PTPRD: variants seen among roughly 807,000 people sequenced by gnomAD.
The protein encoded by PTPRD is receptor-type tyrosine-protein phosphatase delta.
In PTPRD, 34 loss-of-function variants were observed where a neutral mutation model predicts 214.5. The observed-to-expected ratio is 0.16, with a 90% CI of 0.12 to 0.21. PTPRD has a LOEUF of 0.21. PTPRD is among the 10% of genes least tolerant of loss of function. PTPRD has a pLI of 1.00. For synonymous variants in PTPRD, 1,128 were observed against 845.7 expected, an observed-to-expected ratio of 1.33 and a Z score of -5.79; for missense variants, 2,545 against 2,398.7, an observed-to-expected ratio of 1.06 and a Z score of -1.27.
intron 8 of PTPRD, among the ~76,000 whole-genome samples, chr9:9,559,866 C>A (rs763815369): frequency 2.0e-5 from 3 of 152,176 alleles, no homozygotes; most frequent in Non-Finnish European, 4.4e-5. Context: ...AGTGGAGAGC[C>A]AAGCTGCCAA....
At chr9:9,285,911 T>G (rs1271272756) in intron 9 of PTPRD, among the ~76,000 whole-genome samples, 1 of 151,780 alleles carries the variant, frequency 6.6e-6, no homozygotes. Context: ...TGTAAATTAG[T>G]GTATCTTCTC....
Position 8,987,501 on chromosome 9 carries a change from G to C in PTPRD, c.-104+31196C>G, listed in dbSNP as rs138499730. On this transcript the variant is annotated intron_variant, in intron 11 of 45. Transcript: ENST00000381196. ...TGGTGGTAATCATTTGGAGAGAAGA[G>C]AAAGAAAAGTGCTGTGTTCATGTGT... is the stretch of plus-strand genomic sequence containing the variant. Among the ~76,000 whole-genome samples the C allele has an allele frequency of 4.8e-3, 724 of 152,258 alleles. 7 individuals carry two copies. Among genetic ancestry groups the C allele is most frequent in the African/African-American group, 0.017 (687 of 41,564 alleles).
intron 3 of PTPRD, among the ~76,000 whole-genome samples, chr9:10,082,306 T>C (rs1392586777): frequency 1.3e-5 from 2 of 152,142 alleles, no homozygotes; most frequent in Non-Finnish European, 2.9e-5. Flanking sequence ...ATCAAATGAA[T>C]TGACACATTT....
At chr9:8,348,103 C>T (rs2074386704) in intron 39 of PTPRD, among the ~76,000 whole-genome samples, 1 of 152,062 alleles carries the variant, frequency 6.6e-6, no homozygotes, top group Admixed American at 6.6e-5. Flanking sequence ...AGAAAGCCAT[C>T]GGCTGAAAGG....
intron 30 of PTPRD, among the ~76,000 whole-genome samples, chr9:8,477,396 T>G (rs908780934): frequency 5.3e-5 from 8 of 152,182 alleles, no homozygotes; most frequent in African/African-American, 1.9e-4. Context: ...TTAATTATAT[T>G]AAGTAAAGTT....
chr9:8,824,368 A>C (rs2097135188), intron 11 of PTPRD, among the ~76,000 whole-genome samples: 1 of 152,086 alleles, frequency 6.6e-6, no homozygotes, highest in African/African-American at 2.4e-5. Context: ...TTTTAGGCCA[A>C]ATAGGGGCGA....
At chr9:8,816,155 A>G (rs1393780651) in intron 11 of PTPRD, among the ~76,000 whole-genome samples, 1 of 152,214 alleles carries the variant, frequency 6.6e-6, no homozygotes, top group Non-Finnish European at 1.5e-5. Context: ...CACAGGACAA[A>G]TTATTGATAA....
At chr9:8,640,681 TA>T (rs59897269) in intron 12 of PTPRD, among the ~76,000 whole-genome samples, 13,761 of 133,028 alleles carry the variant, frequency 0.1, 725 homozygotes, top group East Asian at 0.19. Context: ...AGAAATTCTG[TA>T]AAAAAAAAAA....
intron 6 of PTPRD, among the ~76,000 whole-genome samples, chr9:9,763,397 A>G (rs573078103): frequency 6.6e-6 from 1 of 152,282 alleles, no homozygotes; most frequent in Non-Finnish European, 1.5e-5. Context: ...CATACATAAT[A>G]TATATGTATT....
intron 3 of PTPRD, among the ~76,000 whole-genome samples, chr9:10,276,575 C>T (rs535506805): frequency 3.9e-5 from 6 of 151,990 alleles, no homozygotes; most frequent in South Asian, 2.1e-4. Context: ...AATCTAATAT[C>T]GAAAGTCATA....
intron 11 of PTPRD, among the ~76,000 whole-genome samples, chr9:8,755,431 A>C (rs530326312): frequency 6.6e-6 from 1 of 150,908 alleles, no homozygotes; most frequent in South Asian, 2.1e-4. Context: ...CAGGAGGCTG[A>C]GGCAGGAGAA....
chr9:10,354,376 C>T (rs961034893), intron 2 of PTPRD, among the ~76,000 whole-genome samples: 1 of 152,144 alleles, frequency 6.6e-6, no homozygotes, highest in Non-Finnish European at 1.5e-5. Flanking sequence ...TAATTTCTGA[C>T]TGTTAAAAGG....
At chr9:9,073,420 G>A (rs1442960234) in intron 10 of PTPRD, among the ~76,000 whole-genome samples, 1 of 152,222 alleles carries the variant, frequency 6.6e-6, no homozygotes, top group African/African-American at 2.4e-5. Flanking sequence ...GCTAGATCAT[G>A]GTACTCAGTT....
At chr9:9,384,247 C>T (rs1327053367) in intron 9 of PTPRD, among the ~76,000 whole-genome samples, 6 of 141,314 alleles carry the variant, frequency 4.2e-5, no homozygotes, top group East Asian at 4.5e-4. Context: ...TTTGGATTTT[C>T]GGTGTACCAT....
chr9:10,178,168 A>T (rs2099260507), intron 3 of PTPRD, among the ~76,000 whole-genome samples: 1 of 151,936 alleles, frequency 6.6e-6, no homozygotes, highest in East Asian at 1.9e-4. Context: ...TAAGTTGTAA[A>T]AGATATTTAC....
At chr9:8,640,561 C>CAAAAAAAAAAAA (rs201282830) in intron 12 of PTPRD, among the ~76,000 whole-genome samples, 1 of 105,472 alleles carries the variant, frequency 9.5e-6, no homozygotes. Context: ...AACAAAAAAA[C>CAAAAAAAAAAAA]AAAAAAAAAA....
chr9:9,984,466 A>G (rs1307827731), intron 4 of PTPRD, among the ~76,000 whole-genome samples: 1 of 152,098 alleles, frequency 6.6e-6, no homozygotes, highest in East Asian at 1.9e-4. Flanking sequence ...CAGACTGGAC[A>G]TGGTCTGTAG....
At chr9:10,494,862 A>T (rs574706340) in intron 2 of PTPRD, among the ~76,000 whole-genome samples, 3 of 151,620 alleles carry the variant, frequency 2.0e-5, no homozygotes, top group East Asian at 1.9e-4. Context: ...TATTGGGCAA[A>T]TTATAGCATA....
At chr9:9,807,567 G>A (rs2045848100) in intron 5 of PTPRD, among the ~76,000 whole-genome samples, 3 of 152,110 alleles carry the variant, frequency 2.0e-5, no homozygotes. Context: ...CTCCACTGAT[G>A]CTTGCAGCTA....
Sources: allele counts gnomAD v4.1 joint callset (sites outside exome capture counted in the v4.1 genomes callset), GRCh38; gene constraint gnomAD v4.1.1; transcripts MANE v1.5; gene names NCBI Gene and HGNC (gene_info 2026-07-23, HGNC 2026-07-21).